Variants in FBXO4 observed in about 807,000 individuals in gnomAD.
The protein encoded by FBXO4 is F-box only protein 4.
FBXO4 carries 36 observed loss-of-function variants against 43.7 expected under a neutral mutation model. The ratio of observed to expected loss-of-function variants is 0.82; its 90% CI spans 0.63 to 1.09. The LOEUF (loss-of-function observed/expected upper bound fraction) is 1.09. FBXO4 is among the 50% of genes least tolerant of loss of function. The pLI, the probability that FBXO4 is intolerant of heterozygous loss-of-function variation, is 0.00. For synonymous variants in FBXO4, 180 were observed against 165.6 expected (o/e 1.09, Z -0.67); for missense variants, 435 against 474.1 (o/e 0.92, Z 0.77).
chr5:41,926,259 G>C (rs1170236686), intron 1 of FBXO4, among the ~76,000 whole-genome samples: 2 of 152,134 alleles, frequency 1.3e-5, no homozygotes, highest in Admixed American at 6.5e-5. Context: ...CATTTTAATA[G>C]ATTCTGTAGA....
chr5:41,992,903 G>A, the FBXO4 span, among the ~76,000 whole-genome samples: 1 of 152,100 alleles, frequency 6.6e-6, no homozygotes, highest in Non-Finnish European at 1.5e-5. Context: ...TAAATGTTTT[G>A]TATGCTGATT....
At chr5:41,964,790 G>A in the FBXO4 span, among the ~76,000 whole-genome samples, 1 of 152,032 alleles carries the variant, frequency 6.6e-6, no homozygotes. Flanking sequence ...TTAGCCCTTT[G>A]TCAGATGAGT....
the FBXO4 span, among the ~76,000 whole-genome samples, chr5:42,035,743 C>T: frequency 6.6e-6 from 1 of 152,102 alleles, no homozygotes; most frequent in African/African-American, 2.4e-5. Flanking sequence ...GAGCTTTTCC[C>T]AGAGGCAATT....
the FBXO4 span, among the ~76,000 whole-genome samples, chr5:42,023,947 T>C: frequency 3.9e-5 from 6 of 152,170 alleles, no homozygotes; most frequent in East Asian, 1.2e-3. Flanking sequence ...CCTTCCCCTC[T>C]GATCAGGTTT....
intron 5 of FBXO4, among the ~76,000 whole-genome samples, chr5:41,935,879 A>G (rs1349454594): frequency 1.3e-5 from 2 of 152,250 alleles, no homozygotes; most frequent in Non-Finnish European, 2.9e-5. Context: ...AAACTCTGAG[A>G]AAGAAACTCT....
chr5:41,940,080 G>A (rs1751966240), intron 6 of FBXO4, among the ~76,000 whole-genome samples: 1 of 151,478 alleles, frequency 6.6e-6, no homozygotes. Flanking sequence ...CGAACTCCTA[G>A]GCTCAAACCA....
chr5:41,953,508 A>G, the FBXO4 span, among the ~76,000 whole-genome samples: 1 of 152,178 alleles, frequency 6.6e-6, no homozygotes, highest in Non-Finnish European at 1.5e-5. Flanking sequence ...TTGGGTGTAT[A>G]CCCAGTAATG....
At chr5:42,001,854 T>A in the FBXO4 span, among the ~76,000 whole-genome samples, 1 of 150,560 alleles carries the variant, frequency 6.6e-6, no homozygotes, top group East Asian at 2.0e-4. Context: ...GCTGGCTAAT[T>A]TTTTTTTTGT....
chr5:42,031,449 G>A, the FBXO4 span, among the ~76,000 whole-genome samples: 3 of 143,596 alleles, frequency 2.1e-5, no homozygotes, highest in Non-Finnish European at 3.1e-5. Context: ...TCACACACCG[G>A]GGACTGTTGT....
At chr5:42,036,310 T>C in the FBXO4 span, among the ~76,000 whole-genome samples, 3 of 151,896 alleles carry the variant, frequency 2.0e-5, no homozygotes, top group African/African-American at 7.3e-5. Context: ...AAGTAGCATA[T>C]TAGAATATGA....
At chr5:41,973,483 T>A in the FBXO4 span, among the ~76,000 whole-genome samples, 1 of 152,106 alleles carries the variant, frequency 6.6e-6, no homozygotes, top group Non-Finnish European at 1.5e-5. Context: ...TTGAGACCAG[T>A]CTGGGCAACA....
At chr5:42,012,352 G>A in the FBXO4 span, among the ~76,000 whole-genome samples, 1 of 152,078 alleles carries the variant, frequency 6.6e-6, no homozygotes, top group Non-Finnish European at 1.5e-5. Context: ...CTGTGTGTGT[G>A]TACACTGAAA....
At chr5:41,958,551 CA>C in the FBXO4 span, among the ~76,000 whole-genome samples, 1 of 152,184 alleles carries the variant, frequency 6.6e-6, no homozygotes, top group Admixed American at 6.5e-5. Context: ...AACATCTCCC[CA>C]ATCTCACCAT....
the FBXO4 span, among the ~76,000 whole-genome samples, chr5:42,003,641 G>A: frequency 6.6e-6 from 1 of 151,568 alleles, no homozygotes; most frequent in African/African-American, 2.4e-5. Context: ...TTTACATTAG[G>A]TATTTCTCCT....
At chr5:42,025,155 T>C in the FBXO4 span, among the ~76,000 whole-genome samples, 9 of 152,162 alleles carry the variant, frequency 5.9e-5, no homozygotes, top group Admixed American at 2.0e-4. Context: ...GTGGTTGTAC[T>C]AATTTACATT....
chr5:41,977,182 A>T, the FBXO4 span, among the ~76,000 whole-genome samples: 1 of 152,166 alleles, frequency 6.6e-6, no homozygotes, highest in Non-Finnish European at 1.5e-5. Flanking sequence ...GACTTCTGCA[A>T]TGCCTTTGAA....
rs1406988469 is a variant in FBXO4 at position 41,927,041 on chromosome 5, T to G, written c.218T>G (p.Phe73Cys). 1.2e-6 allele frequency: 2 copies of G among 1,611,998 alleles called. No homozygotes were observed. Among genetic ancestry groups the G allele is most frequent in the Non-Finnish European group, 1.7e-6 (2 of 1,179,350 alleles). Reference protein sequence around the residue: ...PIDVQLYILSFLSPHDLCQLG... With the variant: ...PIDVQLYILSCLSPHDLCQLG... ...GATGTACAGCTATATATTTTGTCCT[T>G]TCTTTCACCTCATGATCTGTGTCAG... is the stretch of plus-strand genomic sequence containing the variant. Residue 73 changes from phenylalanine to cysteine, a missense_variant, in exon 2 of 7, where the codon TTT becomes TGT. Phe to Cys is a radical substitution (Grantham distance 205). Transcript: ENST00000281623.
chr5:41,979,535 A>T, the FBXO4 span, among the ~76,000 whole-genome samples: 3 of 152,278 alleles, frequency 2.0e-5, no homozygotes, highest in East Asian at 5.8e-4. Flanking sequence ...GTAGTGTTTG[A>T]TGATATCTGT....
Position 41,934,134 on chromosome 5 carries a change from A to G in FBXO4, c.724A>G (p.Lys242Glu). ...NILILYSTTR[K>E]ERDRAREEHT... is the part of the protein sequence containing the mutation. ...CTGTCTTTACAATTTTTTTTCTAGA[A>G]AGGAAAGAGATAGAGCAAGGGAAGA... The change falls in exon 5 of 7, where the codon AAG (lysine) becomes GAG (glutamate). Residue 242 changes from lysine to glutamate, a missense_variant and splice_region_variant. By Grantham distance (56) the Lys-to-Glu change is moderately conservative (BLOSUM62 1). Transcript: ENST00000281623. The G allele has an allele frequency of 1.2e-6, 2 of 1,613,796 alleles. No homozygotes were observed. Among genetic ancestry groups the G allele is most frequent in the Non-Finnish European group, 1.7e-6 (2 of 1,179,898 alleles).
Sources: allele counts gnomAD v4.1 joint callset (sites outside exome capture counted in the v4.1 genomes callset), GRCh38; gene constraint gnomAD v4.1.1; transcripts MANE v1.5; gene names NCBI Gene and HGNC (gene_info 2026-07-23, HGNC 2026-07-21).